ABCA13: variants seen among roughly 807,000 people sequenced by gnomAD.
The protein encoded by ABCA13 is ATP binding cassette subfamily A member 13.
Under a neutral mutation model 478.7 loss-of-function variants are expected in ABCA13, and 476 were observed. The observed-to-expected ratio is 0.99, with a 90% CI of 0.92 to 1.07. ABCA13 has a LOEUF of 1.07. ABCA13 is among the 50% of genes least tolerant of loss of function. The probability of loss-of-function intolerance (pLI) is 0.00; values close to 1 mark genes in which losing one functional copy is unlikely to be tolerated. For synonymous variants in ABCA13, 2,252 were observed against 2,158.9 expected, an observed-to-expected ratio of 1.04 and a Z score of -1.20; for missense variants, 6,060 against 5,910.6, an observed-to-expected ratio of 1.03 and a Z score of -0.83.
rs766527119 is a variant in ABCA13 at position 48,455,137 on chromosome 7, C to A, written c.12666C>A (p.Ala4222=). ...LARRLRRTLR[A]GKSTLADLLL... The stretch of plus-strand genomic sequence containing the variant: ...GGAGGCTCCGCCGCACGCTGCGCGC[C>A]GGGAAGAGCACCCTCGCCGACCTGC... Residue 4222 remains alanine, a synonymous_variant, in exon 43 of 62, where the codon GCC becomes GCA. Transcript: ENST00000435803. The A allele has an allele frequency of 6.4e-7, 1 of 1,572,106 alleles. No homozygotes were observed. Among genetic ancestry groups the A allele is most frequent in the Admixed American group, 1.8e-5 (1 of 54,196 alleles).
chr7:48,641,965 G>A (rs1189042143), intron 59 of ABCA13, among the ~76,000 whole-genome samples: 2 of 152,212 alleles, frequency 1.3e-5, no homozygotes, highest in Admixed American at 1.3e-4. Context: ...AACCCAATGT[G>A]TTGGCCTTTA....
At chr7:48,558,323 G>C (rs1196201775) in intron 55 of ABCA13, among the ~76,000 whole-genome samples, 1 of 147,492 alleles carries the variant, frequency 6.8e-6, no homozygotes, top group East Asian at 2.0e-4. Context: ...TTGGCTCACT[G>C]CCTCACCCTG....
rs1376178175 is a variant in ABCA13, at chr7:48,274,311, A to G, written c.4645A>G (p.Thr1549Ala). 6.2e-7 allele frequency: 1 copy of G among 1,613,486 alleles called. No individual in the cohort carries two copies. The highest frequency in any genetic ancestry group is 1.1e-5 in the South Asian group (1 of 90,992). Residue 1549 changes from threonine (T) to alanine (A), a missense_variant, in exon 17 of 62, where the codon ACA (threonine) becomes GCA (alanine). Thr to Ala is a moderately conservative substitution (Grantham distance 58). Transcript: ENST00000435803. ...TCAAAATATTTGGCTTCATTTAATA[A>G]CACTGGGGAAGGAATTTCAGAAGCT... ...QFQNIWLHLI[T>A]LGKEFQKLVK...
At chr7:48,615,167 A>T in intron 58 of ABCA13, 118 bp from the exon 59 acceptor site, 2 of 526,322 alleles carry the variant, frequency 3.8e-6, no homozygotes, top group Non-Finnish European at 5.9e-6. Flanking sequence ...ATTTCTGTGT[A>T]AAAAAATTAA....
At chr7:48,281,281 G>T in intron 18 of ABCA13, 62 bp from the exon 19 acceptor site, 1 of 1,333,966 alleles carries the variant, frequency 7.5e-7, no homozygotes. Context: ...CTACACAGTA[G>T]AGATGCACAT....
intron 31 of ABCA13, among the ~76,000 whole-genome samples, chr7:48,360,508 A>G (rs114631903): frequency 0.011 from 1,675 of 152,118 alleles, 61 homozygotes; most frequent in African/African-American, 0.039. Flanking sequence ...TTCTGAGGTT[A>G]CTGAGACATC....
chr7:48,517,324 A>G (rs754166261), intron 52 of ABCA13, among the ~76,000 whole-genome samples: 3 of 152,146 alleles, frequency 2.0e-5, no homozygotes, highest in Non-Finnish European at 4.4e-5. Context: ...GGGGCACAGC[A>G]TGTCTGAATG....
intron 29 of ABCA13, among the ~76,000 whole-genome samples, chr7:48,346,664 T>C (rs746183955): frequency 3.9e-5 from 6 of 152,254 alleles, no homozygotes; most frequent in Non-Finnish European, 5.9e-5. Flanking sequence ...TAGCACTTAC[T>C]GTAAATCAGT....
intron 13 of ABCA13, among the ~76,000 whole-genome samples, chr7:48,246,332 G>A (rs1186351417): frequency 6.9e-6 from 1 of 144,868 alleles, no homozygotes; most frequent in Non-Finnish European, 1.5e-5. Flanking sequence ...GGCTGCACAT[G>A]CTAAGAAAAG....
rs761105043 is a variant in ABCA13, at chr7:48,314,272, C to A, written c.9722C>A (p.Ser3241Tyr). ...CAGGCCAGAAGTTCAGCTTTTGGTT[C>A]TTTCCAGTTTGTGATGAAGATGGTT... ...NVQARSSAFG[S>Y]FQFVMKMVCK... The change falls in exon 26 of 62, where the codon TCT becomes TAT. Residue 3241 changes from serine (S) to tyrosine (Y), a missense_variant. Ser to Tyr is a moderately radical substitution (Grantham distance 144). This residue lies in a region of ABCA13 where 4,423 missense variants were observed against 4,309.1 expected (regional missense o/e 1.03). Transcript: ENST00000435803. 3.0e-5 allele frequency: 49 copies of A among 1,613,482 alleles called. 1 individual carries two copies. Among genetic ancestry groups the A allele is most frequent in the South Asian group, 2.5e-4 (23 of 90,810 alleles).
chr7:48,218,617 G>T (rs772778907), intron 3 of ABCA13, among the ~76,000 whole-genome samples: 2 of 152,194 alleles, frequency 1.3e-5, no homozygotes, highest in Non-Finnish European at 2.9e-5. Flanking sequence ...CTCTAAGCCA[G>T]TGCTCAGTTC....
chr7:48,296,752 C>T (rs1020656861), intron 21 of ABCA13, among the ~76,000 whole-genome samples: 5 of 152,098 alleles, frequency 3.3e-5, no homozygotes, highest in Admixed American at 6.6e-5. Context: ...TGAGCCACCG[C>T]ACCCGGTCGC....
intron 1 of ABCA13, among the ~76,000 whole-genome samples, chr7:48,184,452 A>G (rs1796097491): frequency 6.6e-6 from 1 of 152,044 alleles, no homozygotes; most frequent in African/African-American, 2.4e-5. Flanking sequence ...GTTGTTTATG[A>G]CTTTCGTGTC....
At chr7:48,565,631 TCAAAA>T (rs577491405) in intron 55 of ABCA13, among the ~76,000 whole-genome samples, 1 of 151,824 alleles carries the variant, frequency 6.6e-6, no homozygotes, top group African/African-American at 2.4e-5. Context: ...AGACTCCATC[TCAAAA>T]CAAAACAAAA....
intron 28 of ABCA13, among the ~76,000 whole-genome samples, chr7:48,338,052 A>G (rs1354842641): frequency 6.6e-6 from 1 of 152,204 alleles, no homozygotes; most frequent in Non-Finnish European, 1.5e-5. Context: ...AATCTTATAG[A>G]AAGGTTCATT....
Position 48,410,592 on chromosome 7 carries a change from A to C in ABCA13, c.12143A>C (p.Gln4048Pro). The C allele has an allele frequency of 6.2e-7, 1 of 1,614,034 alleles. No individual in the cohort carries two copies. The change falls in exon 40 of 62, where the codon CAG becomes CCG. Residue 4048 changes from glutamine (Q) to proline (P), a missense_variant. Around this residue, in one of 3 missense-constraint regions of ABCA13, gnomAD observed 1,627 missense variants for 1,571.0 expected, o/e 1.04. Transcript: ENST00000435803. ...CTGAGTGACCGCGTGGCCGTCCTCC[A>C]GCATGGGAGGCTCAGGTGCTGCGGT... is the stretch of plus-strand genomic sequence containing the variant. ...EALSDRVAVL[Q>P]HGRLRCCGPP... is the part of the protein sequence containing the mutation.
intron 55 of ABCA13, among the ~76,000 whole-genome samples, chr7:48,542,745 C>T (rs895912509): frequency 4.6e-5 from 7 of 151,638 alleles, no homozygotes; most frequent in African/African-American, 1.7e-4. Context: ...CTATTACTCT[C>T]CTCTAGCAAG....
At chr7:48,371,949 A>C (rs1456037795) in intron 32 of ABCA13, among the ~76,000 whole-genome samples, 1 of 152,024 alleles carries the variant, frequency 6.6e-6, no homozygotes, top group Non-Finnish European at 1.5e-5. Flanking sequence ...TCTTTTATAA[A>C]AATTTAATTT....
chr7:48,342,809 A>G (rs1237995170), intron 29 of ABCA13, among the ~76,000 whole-genome samples: 1 of 152,110 alleles, frequency 6.6e-6, no homozygotes, highest in African/African-American at 2.4e-5. Flanking sequence ...TTTTCTTACT[A>G]GTTTTTTAAT....
Sources: gnomAD v4.1 joint callset for allele counts (sites outside exome capture counted in the v4.1 genomes callset) on GRCh38, gnomAD v4.1.1 for gene constraint, gnomAD v4.1.1 regional missense constraint, MANE v1.5 for transcripts, NCBI Gene and HGNC (gene_info 2026-07-23, HGNC 2026-07-21) for gene names.